COL4A6: variants seen among roughly 807,000 people sequenced by gnomAD.
COL4A6 encodes the protein collagen alpha-6(IV) chain.
In COL4A6, 59 loss-of-function variants were observed where a neutral mutation model predicts 126.7. The observed-to-expected ratio is 0.47, with a 90% CI of 0.38 to 0.58. COL4A6 has a LOEUF of 0.58. Ranked by LOEUF, COL4A6 falls within the 20% of genes least tolerant of loss-of-function variation. The pLI is 0.00. For missense variants in COL4A6, 1,285 were observed against 1,337.3 expected (o/e 0.96, Z 0.61); for synonymous variants, 547 against 496.6 (o/e 1.10, Z -1.35).
At chrX:108,356,043 A>C (rs1192900955) in intron 2 of COL4A6, among the ~76,000 whole-genome samples, 1 of 109,078 alleles carries the variant, frequency 9.2e-6, no homozygotes, top group Non-Finnish European at 1.9e-5. Flanking sequence ...CTTTATCTGC[A>C]CCCATTAACT....
intron 2 of COL4A6, among the ~76,000 whole-genome samples, chrX:108,416,360 C>T (rs1310751825): frequency 8.9e-6 from 1 of 112,168 alleles, no homozygotes; most frequent in Non-Finnish European, 1.9e-5. Flanking sequence ...TTTGTTACAG[C>T]ACTCCTTGTA....
At position 108,164,900 on chromosome X, in the gene COL4A6, A is replaced by G; in HGVS notation, c.3947T>C (p.Leu1316Pro). The G allele has an allele frequency of 8.3e-7, 1 of 1,205,536 alleles. No homozygotes were observed. Among genetic ancestry groups the G allele is most frequent in the Non-Finnish European group, 1.1e-6 (1 of 892,432 alleles). ...GDQGIPGFSG[L>P]PGELGLKGMR... ...ACCTTTCAGTCCTAGCTCTCCAGGG[A>G]GGCCAGAAAAACCTGGAATTCCTTG... The change falls in exon 39 of 45, where the codon CTC (leucine) becomes CCC (proline). Residue 1316 changes from leucine to proline, a missense_variant. Physicochemically the swap from Leu to Pro is moderately conservative, Grantham distance 98 (BLOSUM62 -3). Coordinates refer to ENST00000334504, the MANE Select transcript of COL4A6 (RefSeq NM_033641.4).
At chrX:108,180,820 C>T in intron 24 of COL4A6, 77 bp downstream of exon 24, 1 of 1,013,888 alleles carries the variant, frequency 9.9e-7, no homozygotes, top group Non-Finnish European at 1.4e-6. Flanking sequence ...CCAAATACTA[C>T]TGGGCTATCC....
At chrX:108,190,531 T>C in intron 19 of COL4A6, 35 bp from the exon 20 acceptor site, 2 of 951,333 alleles carry the variant, frequency 2.1e-6, no homozygotes, top group South Asian at 4.4e-5. Context: ...ATTAGCAACT[T>C]GTATAAGCCT....
chrX:108,310,641 G>T (rs2038738590), intron 3 of COL4A6, 107 bp downstream of exon 3: 5 of 653,703 alleles, frequency 7.6e-6, no homozygotes, highest in Non-Finnish European at 1.2e-5. Flanking sequence ...CACTTTGCTT[G>T]TTCCATGAGG....
chrX:108,398,360 T>G lies in COL4A6; in HGVS notation c.63+39582A>C, dbSNP rs1262238850. Reference sequence around the variant, plus strand: ...TCCATGGTTCTGTACCTTTTAAAATTTATGTGTGTCTGTGTGTTTTGGACA... The same window carrying G: ...TCCATGGTTCTGTACCTTTTAAAATGTATGTGTGTCTGTGTGTTTTGGACA... On this transcript the variant is annotated intron_variant, in intron 2 of 44. Transcript: ENST00000334504. Among the ~76,000 whole-genome samples, 4 of 111,172 alleles carry G rather than the reference T, an allele frequency of 3.6e-5. No homozygotes were observed. In the Admixed American group the frequency reaches 3.8e-4, roughly 11 times the overall value.
At chrX:108,438,695 C>T (rs1391974180), upstream of COL4A6, among the ~76,000 whole-genome samples, 4 of 112,920 alleles carry the variant, frequency 3.5e-5, no homozygotes, top group African/African-American at 6.4e-5. Context: ...GACAGATGGG[C>T]CCGAAAGTGC....
At chrX:108,379,060 T>C (rs187205764) in intron 2 of COL4A6, among the ~76,000 whole-genome samples, 7 of 112,172 alleles carry the variant, frequency 6.2e-5, no homozygotes, top group African/African-American at 1.9e-4. Context: ...TGGACCCACA[T>C]TGGATCTTTA....
intron 32 of COL4A6, among the ~76,000 whole-genome samples, chrX:108,172,207 G>A (rs1255820310): frequency 6.5e-5 from 7 of 108,341 alleles, no homozygotes; most frequent in South Asian, 4.3e-4. Flanking sequence ...AAAATTAGCC[G>A]GGTGTGGTGG....
chrX:108,260,999 A>G (rs1017584972), intron 3 of COL4A6, among the ~76,000 whole-genome samples: 5 of 110,655 alleles, frequency 4.5e-5, no homozygotes, highest in Admixed American at 3.9e-4. Flanking sequence ...TCCACATTGG[A>G]GAAAAAGGAT....
rs183003853 is a variant in COL4A6 at position 108,268,956 on chromosome X, T to C, written c.144+41792A>G. ...TCTACCATCATAGAGGCCACTTGCT[T>C]ATCTTCTGCCTCCAGAAATCACTGC... On this transcript the variant is annotated intron_variant, in intron 3 of 44. Transcript: ENST00000334504. 1.2e-4 allele frequency: 33 copies of C among 271,015 alleles called. No homozygotes were observed. The Admixed American group carries it at 1.2e-3, about 10-fold the overall frequency. The allele number at this position is 271,015 out of a possible 1,213,427, so 22.3% of individuals were successfully genotyped here.
intron 2 of COL4A6, among the ~76,000 whole-genome samples, chrX:108,371,855 G>GGA (rs1166746354): frequency 1.7e-5 from 1 of 57,230 alleles, no homozygotes; most frequent in African/African-American, 6.6e-5. Flanking sequence ...CCAATATGAA[G>GGA]GAAAAAAAAA....
At chrX:108,239,536 G>A (rs940361972) in intron 3 of COL4A6, among the ~76,000 whole-genome samples, 10 of 111,761 alleles carry the variant, frequency 8.9e-5, no homozygotes, top group Non-Finnish European at 1.3e-4. Flanking sequence ...CTCTGGCCAC[G>A]TTAGGTTCTT....
intron 2 of COL4A6, among the ~76,000 whole-genome samples, chrX:108,413,754 C>T (rs2148247837): frequency 8.9e-6 from 1 of 111,970 alleles, no homozygotes; most frequent in East Asian, 2.8e-4. Flanking sequence ...GAACTGGTTT[C>T]CCAGCCTTGG....
intron 2 of COL4A6, among the ~76,000 whole-genome samples, chrX:108,392,987 A>T (rs943859483): frequency 3.6e-5 from 4 of 112,202 alleles, no homozygotes; most frequent in African/African-American, 1.3e-4. Context: ...AAGAGATAAC[A>T]AGTGCTGACA....
intron 2 of COL4A6, among the ~76,000 whole-genome samples, chrX:108,380,118 A>G (rs1226782275): frequency 8.9e-6 from 1 of 112,558 alleles, no homozygotes; most frequent in Non-Finnish European, 1.9e-5. Flanking sequence ...ATACTCATTC[A>G]ACCAGGTAAT....
intron 2 of COL4A6, among the ~76,000 whole-genome samples, chrX:108,380,323 A>AG (rs1296558062): frequency 1.8e-5 from 2 of 112,589 alleles, no homozygotes; most frequent in Admixed American, 9.4e-5. Flanking sequence ...TTGCCATTTA[A>AG]GAAAAAAAAG....
At chrX:108,437,266 ATTTC>A (rs1240163240) in intron 2 of COL4A6, among the ~76,000 whole-genome samples, 2 of 112,079 alleles carry the variant, frequency 1.8e-5, no homozygotes, top group Non-Finnish European at 3.8e-5. Context: ...GTCTTCAGAA[ATTTC>A]TTTACCTGCA....
chrX:108,188,428 G>T, intron 21 of COL4A6, 89 bp downstream of exon 21: 1 of 918,649 alleles, frequency 1.1e-6, no homozygotes, highest in Non-Finnish European at 1.4e-6. Flanking sequence ...CATCTCTCTT[G>T]TATGTGCTTT....
Sources: allele counts gnomAD v4.1 joint callset (sites outside exome capture counted in the v4.1 genomes callset), GRCh38; gene constraint gnomAD v4.1.1; transcripts MANE v1.5; gene names NCBI Gene and HGNC (gene_info 2026-07-23, HGNC 2026-07-21).